The following UBTF variants were observed in gnomAD, a reference collection of about 807,000 sequenced individuals.
UBTF encodes upstream binding transcription factor.
A neutral mutation model predicts 112.3 loss-of-function variants in UBTF; 8 were observed. The ratio of observed to expected loss-of-function variants is 0.07; its 90% CI spans 0.04 to 0.13. UBTF has a LOEUF of 0.13. UBTF is among the 10% of genes least tolerant of loss of function. UBTF has a pLI of 1.00. For synonymous variants in UBTF, 417 were observed against 373.1 expected (o/e 1.12, Z -1.36); for missense variants, 457 against 982.1 (o/e 0.47, Z 7.15).
Position 44,207,585 on chromosome 17 carries a change from C to T in UBTF, c.2038G>A (p.Asp680Asn), listed in dbSNP as rs1289021151. The change falls in exon 20 of 21, where the codon GAT becomes AAT. Residue 680 changes from aspartate (D) to asparagine (N), a missense_variant. This residue lies in a region of UBTF where 139 missense variants were observed against 157.5 expected (regional missense o/e 0.88). Coordinates refer to ENST00000436088, the MANE Select transcript of UBTF (RefSeq NM_014233.4). ...TLQSKSESEE[D>N]DEEDEDDEDE... The stretch of plus-strand genomic sequence containing the variant: ...TCGTCATCCTCATCCTCTTCATCAT[C>T]CTCCTCGGACTCCTTGGAGGGATGG... 6.2e-7 allele frequency: 1 copy of T among 1,614,190 alleles called. No homozygotes were observed. Among genetic ancestry groups the T allele is most frequent in the Admixed American group, 1.7e-5 (1 of 60,028 alleles).
At chr17:44,212,615 C>T (rs1424725466) in intron 7 of UBTF, among the ~76,000 whole-genome samples, 161 bp from the exon 8 acceptor site, 1 of 152,188 alleles carries the variant, frequency 6.6e-6, no homozygotes, top group African/African-American at 2.4e-5. Context: ...GGGATCCCGC[C>T]TGGGTGCAAG....
chr17:44,218,451 C>T, intron 1 of UBTF, 155 bp from the exon 2 acceptor site: 3 of 531,460 alleles, frequency 5.6e-6, no homozygotes, highest in South Asian at 4.9e-5. Flanking sequence ...TGGGAGTGCG[C>T]CCCTCCTCTT....
rs779071779 is a variant in UBTF at position 44,215,818 on chromosome 17, AG to A, written c.319-10del. 6 of 1,614,132 alleles carry A rather than the reference AG, an allele frequency of 3.7e-6. No homozygotes were observed. The South Asian group carries it at 6.6e-5, about 18-fold the overall frequency. On this transcript the variant is annotated splice_polypyrimidine_tract_variant and intron_variant, in intron 4 of 20. Transcript: ENST00000436088. ...GGGAAGTCTGGGTGTTTCTGGAAGA[AG>A]GGACAAGGACACAATGGAGGTCAAA...
At chr17:44,209,820 G>C in intron 15 of UBTF, 87 bp from the exon 16 acceptor site, 2 of 1,413,774 alleles carry the variant, frequency 1.4e-6, no homozygotes, top group Non-Finnish European at 9.8e-7. Context: ...ACCTTAGCTG[G>C]CTGTCTTTTT....
chr17:44,218,838 C>T (rs1270933600), intron 1 of UBTF, among the ~76,000 whole-genome samples: 1 of 150,766 alleles, frequency 6.6e-6, no homozygotes, highest in East Asian at 2.0e-4. Context: ...CGCACCGCCC[C>T]CGGGGACCGG....
chr17:44,221,098 A>AT (rs5820527), upstream of UBTF: 88 of 148,986 alleles, frequency 5.9e-4, 1 homozygote, highest in East Asian at 4.9e-3. Flanking sequence ...CACAAAAAAA[A>AT]TTTTTTTTTT....
intron 5 of UBTF, 130 bp from the exon 6 acceptor site, chr17:44,213,412 G>A (rs554436501): frequency 1.2e-5 from 12 of 968,894 alleles, no homozygotes; most frequent in East Asian, 5.3e-5. Flanking sequence ...GGAGGCTGGC[G>A]CCCTGCCCGC....
chr17:44,207,143 A>AG lies in UBTF; in HGVS notation c.*98dup. ...AGAAAGAAAGAAAGTGGGGGAGGCC[A>AG]GGGGGGCAAGGGACAGAACATGGGG... On this transcript the variant is annotated 3_prime_UTR_variant, in exon 21 of 21. Transcript: ENST00000436088. The AG allele has an allele frequency of 8.1e-7, 1 of 1,238,134 alleles. No individual in the cohort carries two copies. The highest frequency in any genetic ancestry group is 1.1e-6 in the Non-Finnish European group (1 of 884,962). The allele number at this position is 1,238,134 out of a possible 1,614,324, so 76.7% of individuals were successfully genotyped here. A position where few individuals can be genotyped will look rare whatever the true frequency, so the allele number is the denominator to read the frequency against.
At position 44,210,489 on chromosome 17, in the gene UBTF, G is replaced by A. The variant is rs1479272396; in HGVS notation, c.1360-16C>T. ...TGTACTTGGCCTGCGGGGATGGCCC[G>A]GGCGTCAGCCTTCCACCCACCCCCA... On this transcript the variant is annotated splice_polypyrimidine_tract_variant and intron_variant, in intron 13 of 20. Transcript: ENST00000436088. 4 of 1,582,676 alleles carry A rather than the reference G, an allele frequency of 2.5e-6. No homozygotes were observed. The highest frequency in any genetic ancestry group is 2.3e-5 in the East Asian group (1 of 44,256).
At chr17:44,212,042 G>C (rs2144538848) in intron 8 of UBTF, 36 bp from the exon 9 acceptor site, 1 of 1,602,494 alleles carries the variant, frequency 6.2e-7, no homozygotes, top group Non-Finnish European at 8.5e-7. Context: ...GGGCAATGGG[G>C]TGTGGAGTTA....
intron 7 of UBTF, 98 bp from the exon 8 acceptor site, chr17:44,212,552 T>C: frequency 9.3e-7 from 1 of 1,075,930 alleles, no homozygotes; most frequent in Non-Finnish European, 1.3e-6. Context: ...CCTCAGGCCA[T>C]GGGAGGTCAC....
rs747855384 is a variant in UBTF, at chr17:44,213,206, C to G, written c.539+12G>C. The G allele has an allele frequency of 6.2e-7, 1 of 1,612,844 alleles. No homozygotes were observed. The highest frequency in any genetic ancestry group is 1.3e-5 in the African/African-American group (1 of 74,924). On this transcript the variant is annotated intron_variant, in intron 6 of 20. Transcript: ENST00000436088. ...GTGCCCCGTGGCCCTCCTCTGGGCT[C>G]CACTGCCTTACCTGAATCGGGCCAG... is the stretch of plus-strand genomic sequence containing the variant.
At position 44,210,711 on chromosome 17, in the gene UBTF, C is replaced by T. The variant is rs946149844; in HGVS notation, c.1359+81G>A. 6 of 1,525,720 alleles carry T rather than the reference C, an allele frequency of 3.9e-6. No homozygotes were observed. In the African/African-American group the frequency reaches 5.5e-5, roughly 14 times the overall value. The allele number at this position is 1,525,720 out of a possible 1,614,324, so 94.5% of individuals were successfully genotyped here. On this transcript the variant is annotated intron_variant, in intron 13 of 20. Transcript: ENST00000436088. ...ACCGCGTGGCTCAGGCGGCCAGGGG[C>T]GAGGTGGCACGGCCCGCCAAGGGGA...
Position 44,216,008 on chromosome 17 carries a change from G to A in UBTF, c.235-19C>T. The A allele has an allele frequency of 6.2e-7, 1 of 1,605,842 alleles. No individual in the cohort carries two copies. The highest frequency in any genetic ancestry group is 8.5e-7 in the Non-Finnish European group (1 of 1,172,536). The stretch of plus-strand genomic sequence containing the variant: ...TCCTCACCTGGAGGAAGAGGGGTGG[G>A]AGGAAGGGGAAGTTGGGAAAAGGAA... On this transcript the variant is annotated intron_variant, in intron 3 of 20. Transcript: ENST00000436088.
chr17:44,213,075 C>A, intron 6 of UBTF, 136 bp from the exon 7 acceptor site: 1 of 1,540,682 alleles, frequency 6.5e-7, no homozygotes, highest in South Asian at 1.2e-5. Context: ...CTGTCTCTGT[C>A]CCTGAGCATG....
chr17:44,205,484 C>T lies in UBTF; in HGVS notation c.*1758G>A, dbSNP rs2056195540. On this transcript the variant is annotated 3_prime_UTR_variant, in exon 21 of 21. Coordinates refer to ENST00000436088, the MANE Select transcript of UBTF (RefSeq NM_014233.4). ...TTGGGAAGAAATAGAACCTATAAACCCCTGTACTTAATTCCAGGATTAGGA... is the reference window on the plus strand; with the variant it reads ...TTGGGAAGAAATAGAACCTATAAACTCCTGTACTTAATTCCAGGATTAGGA... The T allele has an allele frequency of 6.6e-6, 1 of 152,216 alleles. No homozygotes were observed. Among genetic ancestry groups the T allele is most frequent in the African/African-American group, 2.4e-5 (1 of 41,412 alleles). 9.4% of individuals were successfully genotyped at this position (152,216 alleles called of 1,614,324 possible).
In UBTF at chr17:44,218,199, G is replaced by A. The variant is rs1598269660; in HGVS notation, c.31C>T (p.Leu11=). 3.1e-6 allele frequency: 5 copies of A among 1,612,646 alleles called. No individual in the cohort carries two copies. In the East Asian group the frequency reaches 8.9e-5, roughly 29 times the overall value. MNGEADCPTD[L]EMAAPKGQDR... ...TGGCCTTTGGGGGCGGCCATTTCCA[G>A]GTCTGTGGGGCAGTCGGCTTCTCCG... is the stretch of plus-strand genomic sequence containing the variant. Residue 11 remains leucine (L), a synonymous_variant, in exon 2 of 21, where the codon CTG becomes TTG. Coordinates refer to ENST00000436088, the MANE Select transcript of UBTF (RefSeq NM_014233.4).
chr17:44,217,800 G>A (rs989217207), intron 2 of UBTF, among the ~76,000 whole-genome samples: 1 of 152,102 alleles, frequency 6.6e-6, no homozygotes, highest in African/African-American at 2.4e-5. Context: ...AAAGCCTCAT[G>A]GTCTTCCTAA....
At chr17:44,216,187 A>G in intron 3 of UBTF, 198 bp from the exon 4 acceptor site, 1 of 618,778 alleles carries the variant, frequency 1.6e-6, no homozygotes, top group Non-Finnish European at 2.8e-6. Context: ...AGGCCCAGGC[A>G]GTCAGTACAC....
Sources: gnomAD v4.1 joint callset for allele counts (sites outside exome capture counted in the v4.1 genomes callset) on GRCh38, gnomAD v4.1.1 for gene constraint, gnomAD v4.1.1 regional missense constraint, MANE v1.5 for transcripts, NCBI Gene and HGNC (gene_info 2026-07-23, HGNC 2026-07-21) for gene names.